The following INPP5K variants were observed in gnomAD, a reference collection of about 807,000 sequenced individuals.
INPP5K encodes inositol polyphosphate-5-phosphatase K, also known as inositol polyphosphate 5-phosphatase K.
Under a neutral mutation model 53.5 loss-of-function variants are expected in INPP5K, and 35 were observed. The observed-to-expected ratio is 0.65, with a 90% CI of 0.50 to 0.87. The LOEUF (loss-of-function observed/expected upper bound fraction) is 0.87, where lower values mean the gene tolerates loss of function less well. INPP5K is among the 40% of genes least tolerant of loss of function. The probability of loss-of-function intolerance (pLI) is 0.00; values close to 1 mark genes in which losing one functional copy is unlikely to be tolerated. For missense variants in INPP5K, 550 were observed against 586.2 expected, an observed-to-expected ratio of 0.94 and a Z score of 0.64; for synonymous variants, 253 against 232.8, an observed-to-expected ratio of 1.09 and a Z score of -0.79.
At chr17:1,497,694 G>T in intron 8 of INPP5K, 1 of 460,666 alleles carries the variant, frequency 2.2e-6, no homozygotes. Flanking sequence ...TTAGCCCCAA[G>T]GGAGAATACC....
rs142054151 is a variant in INPP5K at position 1,495,874 on chromosome 17, C to T, written c.1296G>A (p.Pro432=). Residue 432 remains proline (P), a synonymous_variant, in exon 12 of 12, where the codon CCG becomes CCA. Transcript: ENST00000421807. ...VVGISRPFQI[P]PGSLREDPLG... ...GTGGGTCCTCCCTCAAGGAGCCAGG[C>T]GGGATCTGCAGGGATAAAGCAGGTG... The T allele has an allele frequency of 3.1e-5, 50 of 1,612,444 alleles. No individual in the cohort carries two copies. The highest frequency in any genetic ancestry group is 1.6e-4 in the Middle Eastern group (1 of 6,076).
intron 7 of INPP5K, among the ~76,000 whole-genome samples, chr17:1,501,373 T>G (rs1292483534): frequency 6.6e-6 from 1 of 152,214 alleles, no homozygotes; most frequent in African/African-American, 2.4e-5. Flanking sequence ...GCTCAGACTT[T>G]TGAATCAGAG....
intron 7 of INPP5K, among the ~76,000 whole-genome samples, chr17:1,502,343 C>T (rs1212993030): frequency 6.6e-6 from 1 of 151,354 alleles, no homozygotes; most frequent in Non-Finnish European, 1.5e-5. Flanking sequence ...AGCGAGACTC[C>T]GTCTCAAACA....
At chr17:1,514,389 T>C (rs964908387) in intron 1 of INPP5K, among the ~76,000 whole-genome samples, 2 of 151,616 alleles carry the variant, frequency 1.3e-5, no homozygotes, top group African/African-American at 4.9e-5. Flanking sequence ...TCTGCCACAC[T>C]CATGATGGGA....
At chr17:1,512,150 C>T (rs1005767085) in intron 3 of INPP5K, among the ~76,000 whole-genome samples, 1 of 152,160 alleles carries the variant, frequency 6.6e-6, no homozygotes, top group Non-Finnish European at 1.5e-5. Context: ...TCAGTCTGGC[C>T]TCCCAATCTC....
chr17:1,506,883 G>GC (rs931925078), intron 7 of INPP5K, 97 bp downstream of exon 7: 51 of 821,118 alleles, frequency 6.2e-5, no homozygotes, highest in African/African-American at 2.2e-4. Context: ...ACCAATTCCT[G>GC]CCCCCCCTAA....
chr17:1,502,704 C>T (rs2150983719), intron 7 of INPP5K, among the ~76,000 whole-genome samples: 1 of 152,242 alleles, frequency 6.6e-6, no homozygotes, highest in Middle Eastern at 3.4e-3. Context: ...TGAGCGTGTA[C>T]AAATTAACCA....
rs2074806940 is a variant in INPP5K, at chr17:1,495,543, G to C, written c.*280C>G. Reference sequence around the variant, plus strand: ...GACTAGAAGAGGGGGTAGGAATCCAGAAATGAGACGCAGAACTGTCCCCAG... The same window carrying C: ...GACTAGAAGAGGGGGTAGGAATCCACAAATGAGACGCAGAACTGTCCCCAG... On this transcript the variant is annotated 3_prime_UTR_variant, in exon 12 of 12. Coordinates refer to ENST00000421807, the MANE Select transcript of INPP5K (RefSeq NM_016532.4). The C allele has an allele frequency of 4.8e-6, 2 of 418,984 alleles. No individual in the cohort carries two copies. Among genetic ancestry groups the C allele is most frequent in the South Asian group, 6.5e-5 (2 of 30,784 alleles). The allele number at this position is 418,984 out of a possible 1,614,324, so 26.0% of individuals were successfully genotyped here.
intron 1 of INPP5K, chr17:1,515,822 C>G (rs1398980364): frequency 2.4e-6 from 2 of 826,556 alleles, no homozygotes; most frequent in African/African-American, 3.7e-5. Context: ...CGATCTCCCC[C>G]TGCTGTCCGA....
chr17:1,509,263 T>G lies in INPP5K; in HGVS notation c.469A>C (p.Asn157His). The change falls in exon 5 of 12, where the codon AAT (asparagine) becomes CAT (histidine). Residue 157 changes from asparagine to histidine, a missense_variant. Transcript: ENST00000421807. ...NCHLPPHISN[N>H]YQRLEHFDRI... Reference sequence around the variant, plus strand: ...TCAAAGTGCTCCAGCCGCTGGTAATTGTTGGAAATGTGGGGAGGCAGGTGG... The same window carrying G: ...TCAAAGTGCTCCAGCCGCTGGTAATGGTTGGAAATGTGGGGAGGCAGGTGG... 6.2e-7 allele frequency: 1 copy of G among 1,614,022 alleles called. No homozygotes were observed. Among genetic ancestry groups the G allele is most frequent in the Non-Finnish European group, 8.5e-7 (1 of 1,180,000 alleles).
Position 1,496,774 on chromosome 17 carries a change from G to A in INPP5K, c.993C>T (p.Ile331=), listed in dbSNP as rs773485564. The part of the protein sequence containing the change: ...ELKPLVSAPL[I]VLMPEDLWTV... Reference sequence around the variant, plus strand: ...TCCACAGGTCCTCGGGCATCAGGACGATCAGCGGAGCAGACACCAATGGCT... The same window carrying A: ...TCCACAGGTCCTCGGGCATCAGGACAATCAGCGGAGCAGACACCAATGGCT... The change falls in exon 9 of 12, where the codon ATC becomes ATT. Residue 331 remains isoleucine, a synonymous_variant. Transcript: ENST00000421807. 104 of 1,614,000 alleles carry A rather than the reference G, an allele frequency of 6.4e-5. No individual in the cohort carries two copies. Among genetic ancestry groups the A allele is most frequent in the South Asian group, 1.1e-4 (10 of 91,078 alleles).
rs148258118 is a variant in INPP5K, at chr17:1,513,925, A to C, written c.99T>G (p.Ser33Arg). 5.9e-4 allele frequency: 953 copies of C among 1,613,612 alleles called. 2 individuals are homozygous for C. Among genetic ancestry groups the C allele is most frequent in the Admixed American group, 1.3e-3 (78 of 59,978 alleles). Residue 33 changes from serine to arginine, a missense_variant, in exon 2 of 12, where the codon AGT becomes AGG. Coordinates refer to ENST00000421807, the MANE Select transcript of INPP5K (RefSeq NM_016532.4). The part of the protein sequence containing the change: ...VASAAPPLDL[S>R]DLLQLNNRNL... ...TCCGGTTGTTCAGCTGAAGCAGGTC[A>C]CTGAGATCTAGAGGGGGCGCTGCCG...
At position 1,508,162 on chromosome 17, in the gene INPP5K, C is replaced by G. The variant is rs1168646246; in HGVS notation, c.619G>C (p.Glu207Gln). 2 of 1,614,118 alleles carry G rather than the reference C, an allele frequency of 1.2e-6. No individual in the cohort carries two copies. The highest frequency in any genetic ancestry group is 1.7e-6 in the Non-Finnish European group (2 of 1,179,996). ...IEDFGLHFVR[E>Q]SIKNRCYGGL... ...CCGTAGCACCGATTTTTAATGGATT[C>G]CCGAACAAAGTGCAACCCAAAGTCC... is the stretch of plus-strand genomic sequence containing the variant. Residue 207 changes from glutamate (E) to glutamine (Q), a missense_variant, in exon 6 of 12, where the codon GAA (glutamate) becomes CAA (glutamine). Physicochemically the swap from Glu to Gln is conservative, Grantham distance 29. Coordinates refer to ENST00000421807, the MANE Select transcript of INPP5K (RefSeq NM_016532.4).
Position 1,508,518 on chromosome 17 carries a change from T to A in INPP5K, c.555-292A>T, listed in dbSNP as rs114425410. 6,308 of 406,398 alleles carry A rather than the reference T, an allele frequency of 0.016. 361 individuals carry two copies. Among genetic ancestry groups the A allele is most frequent in the African/African-American group, 0.12 (5,728 of 48,840 alleles). 25.2% of individuals were successfully genotyped at this position (406,398 alleles called of 1,614,324 possible). On this transcript the variant is annotated intron_variant, in intron 5 of 11. Coordinates refer to ENST00000421807, the MANE Select transcript of INPP5K (RefSeq NM_016532.4). ...AGGAAAGGCTGAGAAGCCCTCCTGG[T>A]GACCTCAGGAGCCACAAGGTCCTTG... is the stretch of plus-strand genomic sequence containing the variant.
chr17:1,509,134 C>T (rs375843970), intron 5 of INPP5K, 44 bp downstream of exon 5: 6 of 1,355,586 alleles, frequency 4.4e-6, no homozygotes, highest in African/African-American at 2.7e-5. Flanking sequence ...TGGGGGTTAG[C>T]GTGGGGCAGA....
chr17:1,514,666 A>T (rs2075390909), intron 1 of INPP5K, among the ~76,000 whole-genome samples: 1 of 151,706 alleles, frequency 6.6e-6, no homozygotes, highest in Admixed American at 6.6e-5. Flanking sequence ...AGCCACCCAC[A>T]CCCCTCTGTC....
intron 7 of INPP5K, among the ~76,000 whole-genome samples, chr17:1,502,079 G>T (rs545645867): frequency 6.6e-6 from 1 of 151,342 alleles, no homozygotes. Flanking sequence ...GCCAGGCACG[G>T]TGGCTCACGC....
intron 7 of INPP5K, among the ~76,000 whole-genome samples, chr17:1,504,129 C>G (rs986934747): frequency 3.9e-5 from 6 of 152,204 alleles, no homozygotes; most frequent in African/African-American, 1.4e-4. Context: ...TTGACTAACT[C>G]CCAGGCTTGG....
In INPP5K at chr17:1,495,581, G is replaced by A; in HGVS notation, c.*242C>T. The stretch of plus-strand genomic sequence containing the variant: ...GAACTGTCCCCAGGTCTTCACTGTT[G>A]ACACACTAGCTGGTTTCACTCACAT... On this transcript the variant is annotated 3_prime_UTR_variant, in exon 12 of 12. Transcript: ENST00000421807. 1.9e-6 allele frequency: 1 copy of A among 523,614 alleles called. No homozygotes were observed. Among genetic ancestry groups the A allele is most frequent in the Non-Finnish European group, 3.4e-6 (1 of 295,924 alleles). The allele number at this position is 523,614 out of a possible 1,614,324, so 32.4% of individuals were successfully genotyped here.
Sources: allele counts gnomAD v4.1 joint callset (sites outside exome capture counted in the v4.1 genomes callset), GRCh38; gene constraint gnomAD v4.1.1; transcripts MANE v1.5; gene names NCBI Gene and HGNC (gene_info 2026-07-23, HGNC 2026-07-21).